XPR1: variants seen among roughly 807,000 people sequenced by gnomAD.
XPR1 encodes the protein solute carrier family 53 member 1.
A neutral mutation model predicts 87.5 loss-of-function variants in XPR1; 28 were observed. That is an observed-to-expected ratio of 0.32 (90% CI 0.24 to 0.44). XPR1 has a LOEUF of 0.44. Ranked by LOEUF, XPR1 falls within the 20% of genes least tolerant of loss-of-function variation. The pLI is 1.00. For missense variants in XPR1, 559 were observed against 862.3 expected (o/e 0.65, Z 4.41); for synonymous variants, 300 against 306.1 (o/e 0.98, Z 0.21).
intron 2 of XPR1, among the ~76,000 whole-genome samples, chr1:180,741,136 T>TC (rs1248009732): frequency 1.3e-5 from 2 of 152,068 alleles, no homozygotes; most frequent in Admixed American, 6.5e-5. Flanking sequence ...TGTTGGTTGA[T>TC]CCCCTCCTTG....
chr1:180,799,704 C>A (rs1300766300), intron 3 of XPR1, among the ~76,000 whole-genome samples: 1 of 152,160 alleles, frequency 6.6e-6, no homozygotes, highest in Non-Finnish European at 1.5e-5. Context: ...AATCAACCTG[C>A]CAGTAGGTAG....
At chr1:180,749,095 A>G (rs1433770482) in intron 2 of XPR1, among the ~76,000 whole-genome samples, 3 of 152,188 alleles carry the variant, frequency 2.0e-5, no homozygotes, top group Non-Finnish European at 2.9e-5. Context: ...CAGTTACTCA[A>G]GAGGCTGAGG....
At position 180,632,175 on chromosome 1, in the gene XPR1, G is replaced by T. The variant is rs1462031600; in HGVS notation, c.-27G>T. ...GCCGCCGCCTGTAGCTGCTGGACCC[G>T]AGTGGGAGTGAGGGGGAAACGGCAG... On this transcript the variant is annotated 5_prime_UTR_variant, in exon 1 of 15. Transcript: ENST00000367590. The T allele has an allele frequency of 1.3e-6, 2 of 1,596,802 alleles. No individual in the cohort carries two copies. Among genetic ancestry groups the T allele is most frequent in the Non-Finnish European group, 1.7e-6 (2 of 1,171,964 alleles).
At chr1:180,792,171 A>C (rs1343718881) in intron 3 of XPR1, among the ~76,000 whole-genome samples, 1 of 152,214 alleles carries the variant, frequency 6.6e-6, no homozygotes, top group Non-Finnish European at 1.5e-5. Flanking sequence ...GCACAAGAAA[A>C]ACTATAAACA....
intron 2 of XPR1, among the ~76,000 whole-genome samples, chr1:180,731,918 C>T (rs1479417931): frequency 3.9e-5 from 6 of 152,068 alleles, no homozygotes; most frequent in African/African-American, 1.4e-4. Context: ...CTAGGCTGGG[C>T]GTGGTGGCTC....
At chr1:180,686,177 G>A (rs1277095691) in intron 2 of XPR1, among the ~76,000 whole-genome samples, 7 of 152,038 alleles carry the variant, frequency 4.6e-5, no homozygotes, top group Admixed American at 4.6e-4. Context: ...AGAGATTCTG[G>A]TATGTTGTGT....
At chr1:180,698,615 C>T (rs1359242486) in intron 2 of XPR1, among the ~76,000 whole-genome samples, 1 of 152,038 alleles carries the variant, frequency 6.6e-6, no homozygotes, top group African/African-American at 2.4e-5. Flanking sequence ...TTTTATACTT[C>T]AGTGTGTTTT....
At chr1:180,858,696 T>C (rs931128243) in intron 11 of XPR1, among the ~76,000 whole-genome samples, 40 of 152,328 alleles carry the variant, frequency 2.6e-4, no homozygotes, top group African/African-American at 9.6e-4. Flanking sequence ...CTCCTAACTT[T>C]AAATCTAGTT....
Position 180,682,833 on chromosome 1 carries a change from CGTGTGT to C in XPR1, c.121+437_121+442del, listed in dbSNP as rs571473950. Among the ~76,000 whole-genome samples the C allele has an allele frequency of 1.0e-4, 15 of 146,150 alleles. No homozygotes were observed. In the South Asian group the frequency reaches 1.5e-3, roughly 15 times the overall value. ...TTTACAATGGATGTGTGTGTGTGTGCGTGTGTGTGTGTGTGTGTGTAAGCATGTTTA... is the reference window on the plus strand; with the variant it reads ...TTTACAATGGATGTGTGTGTGTGTGCGTGTGTGTGTGTGTAAGCATGTTTA... On this transcript the variant is annotated intron_variant, in intron 2 of 14. Transcript: ENST00000367590.
At chr1:180,798,518 C>G (rs1305127724) in intron 3 of XPR1, among the ~76,000 whole-genome samples, 2 of 152,192 alleles carry the variant, frequency 1.3e-5, no homozygotes, top group South Asian at 2.1e-4. Flanking sequence ...TTGCCCTCAG[C>G]CAGAACCCCA....
At chr1:180,669,755 T>C (rs1044830180) in intron 1 of XPR1, among the ~76,000 whole-genome samples, 2 of 152,210 alleles carry the variant, frequency 1.3e-5, no homozygotes, top group African/African-American at 4.8e-5. Context: ...CTATAGGTAC[T>C]ATGTTTTTTC....
intron 11 of XPR1, among the ~76,000 whole-genome samples, chr1:180,838,794 G>A (rs1011312352): frequency 1.1e-4 from 16 of 152,166 alleles, no homozygotes; most frequent in Non-Finnish European, 1.9e-4. Flanking sequence ...TTATTTTAAT[G>A]TAATATATTT....
intron 11 of XPR1, among the ~76,000 whole-genome samples, chr1:180,862,941 A>C (rs1275265314): frequency 6.6e-6 from 1 of 152,140 alleles, no homozygotes; most frequent in Non-Finnish European, 1.5e-5. Context: ...ATTTCATTAG[A>C]TAGTATATGA....
intron 14 of XPR1, among the ~76,000 whole-genome samples, chr1:180,883,651 G>T (rs554933584): frequency 1.3e-5 from 2 of 150,400 alleles, no homozygotes; most frequent in African/African-American, 4.9e-5. Context: ...GGAGGTTGCA[G>T]TGAGCTGAGA....
Position 180,836,562 on chromosome 1 carries a change from C to G in XPR1, c.1347C>G (p.Ala449=). ...ICHKYTYGVR[A]IVQCIPAWLR... ...ACAAATATACATATGGTGTGCGGGC[C>G]ATTGTTCAGTGCATTCCTGCTTGGC... The change falls in exon 11 of 15, where the codon GCC becomes GCG. Residue 449 remains alanine (A), a synonymous_variant. Coordinates refer to ENST00000367590, the MANE Select transcript of XPR1 (RefSeq NM_004736.4). 6.2e-7 allele frequency: 1 copy of G among 1,614,060 alleles called. No individual in the cohort carries two copies.
At chr1:180,764,112 G>T (rs1285725290) in intron 2 of XPR1, among the ~76,000 whole-genome samples, 2 of 152,154 alleles carry the variant, frequency 1.3e-5, no homozygotes, top group African/African-American at 4.8e-5. Context: ...ATTCAAAGTT[G>T]GGATTGATGG....
intron 7 of XPR1, among the ~76,000 whole-genome samples, chr1:180,822,773 C>T (rs1186896798): frequency 6.6e-6 from 1 of 151,958 alleles, no homozygotes; most frequent in African/African-American, 2.4e-5. Flanking sequence ...AACAAAGAAA[C>T]AGAGACTTTA....
intron 11 of XPR1, among the ~76,000 whole-genome samples, chr1:180,844,068 G>A (rs542136340): frequency 1.1e-4 from 17 of 152,202 alleles, no homozygotes; most frequent in Admixed American, 9.8e-4. Context: ...AAAATGAGTT[G>A]AGTGTGGTGG....
intron 1 of XPR1, among the ~76,000 whole-genome samples, chr1:180,675,411 C>CT (rs1656335043): frequency 6.6e-6 from 1 of 152,126 alleles, no homozygotes; most frequent in Non-Finnish European, 1.5e-5. Flanking sequence ...GATATTTAAC[C>CT]TTTTATCTGT....
Sources: allele counts gnomAD v4.1 joint callset (sites outside exome capture counted in the v4.1 genomes callset), GRCh38; gene constraint gnomAD v4.1.1; transcripts MANE v1.5; gene names NCBI Gene and HGNC (gene_info 2026-07-23, HGNC 2026-07-21).